CDH18: variants seen among roughly 807,000 people sequenced by gnomAD.
The protein encoded by CDH18 is cadherin-18.
In CDH18, 31 loss-of-function variants were observed where a neutral mutation model predicts 67.9. The ratio of observed to expected loss-of-function variants is 0.46; its 90% CI spans 0.34 to 0.62. CDH18 has a LOEUF of 0.62. Among genes scored for constraint, CDH18 ranks in the 20% least tolerant of loss-of-function variants. The pLI, the probability that CDH18 is intolerant of heterozygous loss-of-function variation, is 0.01. For missense variants in CDH18, 890 were observed against 975.5 expected (o/e 0.91, Z 1.17); for synonymous variants, 362 against 347.2 (o/e 1.04, Z -0.48).
chr5:19,829,422 C>T (rs979718836), intron 3 of CDH18, among the ~76,000 whole-genome samples: 6 of 151,918 alleles, frequency 3.9e-5, no homozygotes, highest in Non-Finnish European at 8.8e-5. Context: ...AGAACAACAT[C>T]CAAGCTAAGA....
intron 1 of CDH18, among the ~76,000 whole-genome samples, chr5:20,316,866 A>G (rs781055365): frequency 6.6e-6 from 1 of 152,072 alleles, no homozygotes; most frequent in Non-Finnish European, 1.5e-5. Flanking sequence ...AGCAAGTTTT[A>G]TGATGTACCA....
At chr5:19,765,406 T>TTTA (rs35210328) in intron 3 of CDH18, among the ~76,000 whole-genome samples, 102,859 of 150,112 alleles carry the variant, frequency 0.69, 41,145 homozygotes, top group South Asian at 0.88. Context: ...ATTTTTTTTT[T>TTTA]AATAAAAAAG....
At chr5:20,318,827 A>AT (rs1394561092) in intron 1 of CDH18, among the ~76,000 whole-genome samples, 1 of 152,216 alleles carries the variant, frequency 6.6e-6, no homozygotes, top group Non-Finnish European at 1.5e-5. Context: ...TTACATATGT[A>AT]TACAGGCAAA....
intron 2 of CDH18, among the ~76,000 whole-genome samples, chr5:19,977,135 A>T (rs1367140789): frequency 6.6e-6 from 1 of 152,216 alleles, no homozygotes; most frequent in Non-Finnish European, 1.5e-5. Flanking sequence ...TCACTTAAGA[A>T]ATTAAAGGAA....
intron 1 of CDH18, among the ~76,000 whole-genome samples, chr5:20,353,868 A>G (rs1293102310): frequency 1.3e-5 from 2 of 152,182 alleles, no homozygotes; most frequent in Non-Finnish European, 2.9e-5. Flanking sequence ...AGGAAACTAG[A>G]CAGGTTTCCG....
intron 3 of CDH18, among the ~76,000 whole-genome samples, chr5:19,805,346 C>T (rs1391938283): frequency 6.6e-6 from 1 of 152,170 alleles, no homozygotes; most frequent in Non-Finnish European, 1.5e-5. Flanking sequence ...GATTTCACTT[C>T]CACTTGATTC....
At chr5:20,070,685 G>A (rs1231728029) in intron 2 of CDH18, among the ~76,000 whole-genome samples, 1 of 152,156 alleles carries the variant, frequency 6.6e-6, no homozygotes, top group Non-Finnish European at 1.5e-5. Context: ...AAACAATTCA[G>A]CAGAATGAAT....
In CDH18 at chr5:20,420,392, C is replaced by A. The variant is rs566916507; in HGVS notation, c.-580+155070G>T. Among the ~76,000 whole-genome samples, 102 of 151,142 alleles carry A rather than the reference C, an allele frequency of 6.7e-4. 4 individuals are homozygous for A. Among genetic ancestry groups the A allele is most frequent in the African/African-American group, 2.5e-3 (100 of 40,532 alleles). ...AATGAAATAAAAACAAAGCAATATACCAACAAGTGGAAAAATCGATGTATT... is the reference window on the plus strand; with the variant it reads ...AATGAAATAAAAACAAAGCAATATAACAACAAGTGGAAAAATCGATGTATT... On this transcript the variant is annotated intron_variant, in intron 1 of 14. Coordinates refer to the CDH18 transcript ENST00000507958.
At chr5:20,174,793 GC>G (rs1202820253) in intron 2 of CDH18, among the ~76,000 whole-genome samples, 1 of 152,102 alleles carries the variant, frequency 6.6e-6, no homozygotes, top group Admixed American at 6.6e-5. Context: ...ATGGATGTTT[GC>G]CAGAATAGTA....
At chr5:20,221,888 T>A (rs1741255003) in intron 2 of CDH18, among the ~76,000 whole-genome samples, 1 of 152,166 alleles carries the variant, frequency 6.6e-6, no homozygotes, top group Admixed American at 6.6e-5. Context: ...TAAATTAAAA[T>A]CAAGTTGAAG....
intron 3 of CDH18, among the ~76,000 whole-genome samples, chr5:19,834,145 T>C (rs1186009355): frequency 7.7e-6 from 1 of 129,660 alleles, no homozygotes; most frequent in South Asian, 2.4e-4. Context: ...ATCTATCTGG[T>C]CCTGGGATTT....
At chr5:19,555,291 G>A (rs182316086) in intron 8 of CDH18, among the ~76,000 whole-genome samples, 1 of 152,284 alleles carries the variant, frequency 6.6e-6, no homozygotes, top group East Asian at 1.9e-4. Flanking sequence ...TGAAAGAGGT[G>A]GACTGCAGCT....
chr5:20,340,050 T>G (rs1047032365), intron 1 of CDH18, among the ~76,000 whole-genome samples: 2 of 152,124 alleles, frequency 1.3e-5, no homozygotes, highest in African/African-American at 4.8e-5. Context: ...CTTTCTAATG[T>G]GTATATTAGA....
At chr5:19,970,931 G>T (rs367689944) in intron 2 of CDH18, among the ~76,000 whole-genome samples, 1 of 151,672 alleles carries the variant, frequency 6.6e-6, no homozygotes, top group African/African-American at 2.4e-5. Context: ...CATTGGAGAC[G>T]GAGTGATGCT....
At chr5:19,960,110 T>C (rs930392705) in intron 2 of CDH18, among the ~76,000 whole-genome samples, 6 of 152,080 alleles carry the variant, frequency 3.9e-5, no homozygotes, top group African/African-American at 1.2e-4. Context: ...AAACACTGTA[T>C]ACTTAGGTAA....
chr5:20,497,924 C>G (rs1754008935), intron 1 of CDH18, among the ~76,000 whole-genome samples: 1 of 151,930 alleles, frequency 6.6e-6, no homozygotes, highest in Non-Finnish European at 1.5e-5. Context: ...GGATGGAGTC[C>G]CCATGAATGA....
chr5:20,411,354 G>A (rs1334175462), intron 1 of CDH18, among the ~76,000 whole-genome samples: 1 of 151,818 alleles, frequency 6.6e-6, no homozygotes, highest in Admixed American at 6.6e-5. Context: ...AGGGAAAAGA[G>A]TATCTTCAAC....
At chr5:19,632,642 G>T (rs1019632358) in intron 5 of CDH18, among the ~76,000 whole-genome samples, 1 of 151,984 alleles carries the variant, frequency 6.6e-6, no homozygotes, top group Non-Finnish European at 1.5e-5. Flanking sequence ...TAAGGTATGC[G>T]CATAATTATG....
intron 2 of CDH18, among the ~76,000 whole-genome samples, chr5:20,149,131 TTC>T (rs1750902256): frequency 1.3e-5 from 2 of 152,190 alleles, no homozygotes; most frequent in African/African-American, 4.8e-5. Context: ...TTCAACTATA[TTC>T]TGACTTATTT....
Sources: gnomAD v4.1 joint callset for allele counts (sites outside exome capture counted in the v4.1 genomes callset) on GRCh38, gnomAD v4.1.1 for gene constraint, MANE v1.5 for transcripts, NCBI Gene and HGNC (gene_info 2026-07-23, HGNC 2026-07-21) for gene names.